TMEM178B: variants seen among roughly 807,000 people sequenced by gnomAD.
TMEM178B encodes the protein transmembrane protein 178B.
In TMEM178B, 5 loss-of-function variants were observed where a neutral mutation model predicts 31.0. That is an observed-to-expected ratio of 0.16 (90% CI 0.08 to 0.34). The LOEUF is 0.34. Ranked by LOEUF, TMEM178B falls within the 10% of genes least tolerant of loss-of-function variation. TMEM178B has a pLI of 1.00. For synonymous variants in TMEM178B, 164 were observed against 164.0 expected (o/e 1.00, Z 0.00); for missense variants, 275 against 400.3 (o/e 0.69, Z 2.67).
At chr7:141,232,099 T>G (rs1797457373) in intron 2 of TMEM178B, among the ~76,000 whole-genome samples, 1 of 152,236 alleles carries the variant, frequency 6.6e-6, no homozygotes, top group Non-Finnish European at 1.5e-5. Flanking sequence ...CTGAGGATAA[T>G]GGCTTCCAGC....
intron 2 of TMEM178B, chr7:141,431,337 A>G (rs1050672153): frequency 6.6e-6 from 1 of 152,150 alleles, no homozygotes; most frequent in African/African-American, 2.4e-5. Context: ...AGCAATACCT[A>G]TCCATTTAAA....
intron 2 of TMEM178B, among the ~76,000 whole-genome samples, chr7:141,260,954 T>C (rs1270126164): frequency 6.6e-6 from 1 of 152,152 alleles, no homozygotes; most frequent in Admixed American, 6.5e-5. Context: ...TAATAAAAGA[T>C]AATATAGGCT....
intron 2 of TMEM178B, among the ~76,000 whole-genome samples, chr7:141,386,746 T>C (rs1345148304): frequency 2.0e-5 from 3 of 152,190 alleles, no homozygotes; most frequent in African/African-American, 7.2e-5. Flanking sequence ...GTCCTTTGTT[T>C]GCACGCAGTG....
chr7:141,140,118 C>G (rs753701582), intron 1 of TMEM178B, among the ~76,000 whole-genome samples: 1 of 152,196 alleles, frequency 6.6e-6, no homozygotes, highest in Non-Finnish European at 1.5e-5. Flanking sequence ...GAGCGTCTGG[C>G]GCTTGCATAC....
chr7:141,159,164 C>T (rs1796125577), intron 1 of TMEM178B, among the ~76,000 whole-genome samples: 1 of 152,062 alleles, frequency 6.6e-6, no homozygotes, highest in East Asian at 1.9e-4. Context: ...TCCTCATCTC[C>T]TCTTTCTTCC....
At chr7:141,245,847 G>A (rs1281440176) in intron 2 of TMEM178B, among the ~76,000 whole-genome samples, 5 of 152,148 alleles carry the variant, frequency 3.3e-5, no homozygotes, top group African/African-American at 1.2e-4. Context: ...TTTCATTATG[G>A]TCCGTGATAG....
At chr7:141,229,984 C>T (rs947839378) in intron 2 of TMEM178B, among the ~76,000 whole-genome samples, 1 of 152,028 alleles carries the variant, frequency 6.6e-6, no homozygotes, top group Non-Finnish European at 1.5e-5. Flanking sequence ...AATTTTGTAT[C>T]CCAAATTTTG....
chr7:141,460,500 A>G (rs1802042017), intron 3 of TMEM178B, among the ~76,000 whole-genome samples: 1 of 152,246 alleles, frequency 6.6e-6, no homozygotes, highest in African/African-American at 2.4e-5. Context: ...TTTCAAGGGC[A>G]AAATTCCTGT....
At chr7:141,138,953 C>G (rs1394894733) in intron 1 of TMEM178B, among the ~76,000 whole-genome samples, 2 of 151,232 alleles carry the variant, frequency 1.3e-5, no homozygotes, top group Non-Finnish European at 2.9e-5. Flanking sequence ...CACCGCAGTC[C>G]AGCCTGGGCA....
At chr7:141,490,105 A>G in the TMEM178B span, among the ~76,000 whole-genome samples, 1 of 152,162 alleles carries the variant, frequency 6.6e-6, no homozygotes, top group Non-Finnish European at 1.5e-5. Context: ...TGCAGAGTCC[A>G]TCTGTGAAGA....
chr7:141,427,449 T>C (rs950642973), intron 2 of TMEM178B, among the ~76,000 whole-genome samples: 1 of 152,132 alleles, frequency 6.6e-6, no homozygotes, highest in African/African-American at 2.4e-5. Context: ...GAACACACAA[T>C]AGGGAAATGA....
chr7:141,210,911 G>A (rs1427453442), intron 1 of TMEM178B, among the ~76,000 whole-genome samples: 1 of 152,176 alleles, frequency 6.6e-6, no homozygotes, highest in Non-Finnish European at 1.5e-5. Context: ...TTGGTGACCA[G>A]CTGGATGTCA....
intron 1 of TMEM178B, among the ~76,000 whole-genome samples, chr7:141,118,240 C>G (rs1043010816): frequency 6.6e-6 from 1 of 152,156 alleles, no homozygotes; most frequent in Non-Finnish European, 1.5e-5. Flanking sequence ...GCCTCCAACT[C>G]AAACTGGATT....
At chr7:141,200,876 G>T (rs1427831072) in intron 1 of TMEM178B, among the ~76,000 whole-genome samples, 1 of 152,088 alleles carries the variant, frequency 6.6e-6, no homozygotes, top group Non-Finnish European at 1.5e-5. Context: ...TGTGTGTTTG[G>T]GTAGAGTTCT....
At chr7:141,268,084 A>G (rs545836396) in intron 2 of TMEM178B, among the ~76,000 whole-genome samples, 13 of 152,360 alleles carry the variant, frequency 8.5e-5, no homozygotes, top group African/African-American at 3.1e-4. Context: ...GAAAATGCAT[A>G]TTATGAAAAA....
chr7:141,504,951 G>A, the TMEM178B span, among the ~76,000 whole-genome samples: 3 of 152,190 alleles, frequency 2.0e-5, no homozygotes, highest in African/African-American at 7.2e-5. Context: ...TTTTAACAAG[G>A]TCCTAACATA....
intron 1 of TMEM178B, among the ~76,000 whole-genome samples, chr7:141,101,908 C>CGTGTGTGT (rs3032868): frequency 0.064 from 9,101 of 142,682 alleles, 299 homozygotes; most frequent in Non-Finnish European, 0.074. Flanking sequence ...TGTGTGTTAA[C>CGTGTGTGT]GTGTGTGTGT....
chr7:141,501,246 T>G, the TMEM178B span, among the ~76,000 whole-genome samples: 1 of 151,512 alleles, frequency 6.6e-6, no homozygotes, highest in African/African-American at 2.4e-5. Flanking sequence ...CCTTCCATGC[T>G]GTCTTCATTA....
At chr7:141,264,426 G>T (rs1027073863) in intron 2 of TMEM178B, among the ~76,000 whole-genome samples, 1 of 152,196 alleles carries the variant, frequency 6.6e-6, no homozygotes, top group South Asian at 2.1e-4. Flanking sequence ...TTCCGTTGTG[G>T]TAGGGTGTTC....
Sources: allele counts gnomAD v4.1 joint callset (sites outside exome capture counted in the v4.1 genomes callset), GRCh38; gene constraint gnomAD v4.1.1; transcripts MANE v1.5; gene names NCBI Gene and HGNC (gene_info 2026-07-23, HGNC 2026-07-21).